Variants in CDH12 observed in about 807,000 individuals in gnomAD.
CDH12 encodes the protein cadherin-12.
In CDH12, 41 loss-of-function variants were observed where a neutral mutation model predicts 74.1. The ratio of observed to expected loss-of-function variants is 0.55; its 90% confidence interval spans 0.43 to 0.72. CDH12 has a LOEUF of 0.72. Among genes scored for constraint, CDH12 ranks in the 30% least tolerant of loss-of-function variants. The pLI, the probability that CDH12 is intolerant of heterozygous loss-of-function variation, is 0.00. For synonymous variants in CDH12, 399 were observed against 355.0 expected, an observed-to-expected ratio of 1.12 and a Z score of -1.39; for missense variants, 945 against 977.2, an observed-to-expected ratio of 0.97 and a Z score of 0.44.
intron 1 of CDH12, among the ~76,000 whole-genome samples, chr5:22,792,432 T>G (rs956747012): frequency 6.6e-6 from 1 of 152,150 alleles, no homozygotes; most frequent in South Asian, 2.1e-4. Flanking sequence ...CATATTACTT[T>G]GACAGTGGTA....
chr5:21,840,524 C>A (rs1343237873), intron 8 of CDH12, among the ~76,000 whole-genome samples: 1 of 151,628 alleles, frequency 6.6e-6, no homozygotes, highest in African/African-American at 2.4e-5. Flanking sequence ...TCATATGGAA[C>A]CAAAAAAGAG....
At chr5:22,710,874 A>G (rs1367199774) in intron 1 of CDH12, among the ~76,000 whole-genome samples, 3 of 152,080 alleles carry the variant, frequency 2.0e-5, no homozygotes, top group Non-Finnish European at 4.4e-5. Context: ...ATGACCTTAT[A>G]GGATTCTTGT....
intron 1 of CDH12, among the ~76,000 whole-genome samples, chr5:22,784,899 T>G (rs1747549473): frequency 6.6e-6 from 1 of 152,184 alleles, no homozygotes; most frequent in Non-Finnish European, 1.5e-5. Context: ...TATATAAGTT[T>G]AAATAAACTT....
intron 2 of CDH12, among the ~76,000 whole-genome samples, chr5:22,467,979 GGCCTCCA>G (rs1745802445): frequency 6.6e-6 from 1 of 152,016 alleles, no homozygotes; most frequent in Non-Finnish European, 1.5e-5. Flanking sequence ...TGATGTTCTG[GGCCTCCA>G]AAATTTAGAT....
At chr5:22,731,076 G>A (rs375104762) in intron 1 of CDH12, among the ~76,000 whole-genome samples, 5 of 151,730 alleles carry the variant, frequency 3.3e-5, no homozygotes, top group African/African-American at 1.2e-4. Flanking sequence ...TAAGACTGTG[G>A]CCTTAAGCTT....
intron 2 of CDH12, among the ~76,000 whole-genome samples, chr5:22,455,726 A>G (rs1745237450): frequency 6.6e-6 from 1 of 152,186 alleles, no homozygotes; most frequent in Non-Finnish European, 1.5e-5. Context: ...GTGGGACCAA[A>G]GAGAAATGCC....
At chr5:22,657,515 C>G (rs776456469) in intron 1 of CDH12, among the ~76,000 whole-genome samples, 2 of 152,222 alleles carry the variant, frequency 1.3e-5, no homozygotes, top group African/African-American at 4.8e-5. Context: ...TTACTTACTA[C>G]TGAAGCCCTC....
At chr5:21,807,884 A>T (rs1579740862) in intron 9 of CDH12, among the ~76,000 whole-genome samples, 1 of 152,106 alleles carries the variant, frequency 6.6e-6, no homozygotes, top group African/African-American at 2.4e-5. Context: ...TAATCACTTG[A>T]CATTGAGTTA....
At chr5:22,545,926 T>TTTG (rs57476797) in intron 1 of CDH12, among the ~76,000 whole-genome samples, 22,577 of 151,280 alleles carry the variant, frequency 0.15, 2,217 homozygotes, top group East Asian at 0.36. Context: ...TGTCTAGATT[T>TTTG]TTGTTGTTGT....
intron 4 of CDH12, among the ~76,000 whole-genome samples, chr5:22,116,864 CTTTTTTTT>C (rs70957090): frequency 2.8e-5 from 3 of 108,040 alleles, no homozygotes; most frequent in Non-Finnish European, 5.6e-5. Context: ...CTGCAAGTCT[CTTTTTTTT>C]TTTTTTTTTT....
intron 4 of CDH12, among the ~76,000 whole-genome samples, chr5:22,101,815 TA>T (rs1341698670): frequency 1.4e-4 from 21 of 152,236 alleles, no homozygotes; most frequent in Admixed American, 3.3e-4. Context: ...ATTAATGTTA[TA>T]ATTCAGGTAT....
intron 6 of CDH12, among the ~76,000 whole-genome samples, chr5:21,936,469 C>T (rs949942829): frequency 2.0e-5 from 3 of 151,952 alleles, no homozygotes; most frequent in Non-Finnish European, 2.9e-5. Context: ...TAATGTGTGA[C>T]AGGCATACAA....
chr5:22,062,355 AATTTTTAAGCC>A (rs1741250367), intron 5 of CDH12, among the ~76,000 whole-genome samples: 1 of 152,136 alleles, frequency 6.6e-6, no homozygotes, highest in Non-Finnish European at 1.5e-5. Flanking sequence ...GCTCAAATTC[AATTTTTAAGCC>A]ATTTTCCTCT....
intron 1 of CDH12, among the ~76,000 whole-genome samples, chr5:22,537,734 G>A (rs961923495): frequency 6.6e-6 from 1 of 152,168 alleles, no homozygotes; most frequent in Non-Finnish European, 1.5e-5. Flanking sequence ...CTCTTAGAGA[G>A]CGCTCCTGAC....
At chr5:22,474,820 C>G (rs1382638518) in intron 2 of CDH12, among the ~76,000 whole-genome samples, 2 of 151,998 alleles carry the variant, frequency 1.3e-5, no homozygotes, top group African/African-American at 4.8e-5. Flanking sequence ...AAAGCAGGTC[C>G]AACTCTCATA....
chr5:22,775,205 C>G (rs1747029128), intron 1 of CDH12, among the ~76,000 whole-genome samples: 1 of 151,964 alleles, frequency 6.6e-6, no homozygotes, highest in Non-Finnish European at 1.5e-5. Flanking sequence ...TGCTTGGATG[C>G]ATCAGCCTGG....
chr5:21,955,177 G>GA (rs941651618), intron 6 of CDH12, among the ~76,000 whole-genome samples: 7 of 151,232 alleles, frequency 4.6e-5, no homozygotes, highest in African/African-American at 9.7e-5. Flanking sequence ...TTTTATAAAT[G>GA]AAAAAAAATA....
intron 3 of CDH12, among the ~76,000 whole-genome samples, chr5:22,376,537 T>C (rs568617136): frequency 5.9e-5 from 9 of 152,216 alleles, no homozygotes; most frequent in African/African-American, 1.7e-4. Flanking sequence ...ACACATTCCA[T>C]TGTAATTTTT....
chr5:21,947,257 T>C (rs941888699), intron 6 of CDH12, among the ~76,000 whole-genome samples: 1 of 152,134 alleles, frequency 6.6e-6, no homozygotes, highest in Non-Finnish European at 1.5e-5. Flanking sequence ...GCTATAAAGA[T>C]ACTGAAAATG....
Sources: gnomAD v4.1 joint callset for allele counts (sites outside exome capture counted in the v4.1 genomes callset) on GRCh38, gnomAD v4.1.1 for gene constraint, MANE v1.5 for transcripts, NCBI Gene and HGNC (gene_info 2026-07-23, HGNC 2026-07-21) for gene names.